ZNF292: variants seen among roughly 807,000 people sequenced by gnomAD.
ZNF292 encodes the protein zinc finger protein 292, also known as 16 zinc-finger domain protein.
Under a neutral mutation model 217.9 loss-of-function variants are expected in ZNF292, and 26 were observed. The ratio of observed to expected loss-of-function variants is 0.12; its 90% CI spans 0.09 to 0.17. The LOEUF is 0.17. ZNF292 is among the 10% of genes least tolerant of loss of function. The probability of loss-of-function intolerance (pLI) is 1.00; values close to 1 mark genes in which losing one functional copy is unlikely to be tolerated. For missense variants in ZNF292, 2,904 were observed against 3,175.2 expected, an observed-to-expected ratio of 0.91 and a Z score of 2.05; for synonymous variants, 1,257 against 1,124.1, an observed-to-expected ratio of 1.12 and a Z score of -2.37.
chr6:87,246,791 G>T (rs528497189), intron 7 of ZNF292, among the ~76,000 whole-genome samples: 1 of 152,162 alleles, frequency 6.6e-6, no homozygotes, highest in Non-Finnish European at 1.5e-5. Flanking sequence ...CAGAGGCAGC[G>T]ATTACAGTGA....
chr6:87,232,245 C>G (rs1050654427), intron 4 of ZNF292, among the ~76,000 whole-genome samples: 1 of 152,048 alleles, frequency 6.6e-6, no homozygotes, highest in Admixed American at 6.5e-5. Context: ...ATAGAAGAAT[C>G]TTTTCTATAG....
chr6:87,164,910 G>A (rs183532707), intron 1 of ZNF292, among the ~76,000 whole-genome samples: 19 of 151,090 alleles, frequency 1.3e-4, no homozygotes, highest in African/African-American at 3.9e-4. Flanking sequence ...CTACAGGCAT[G>A]TGCCACCATG....
At chr6:87,239,212 G>T (rs1299363107) in intron 5 of ZNF292, among the ~76,000 whole-genome samples, 12 of 152,262 alleles carry the variant, frequency 7.9e-5, no homozygotes, top group Admixed American at 3.3e-4. Flanking sequence ...CCCAGACGGG[G>T]TGGCGGCCGG....
intron 7 of ZNF292, among the ~76,000 whole-genome samples, chr6:87,247,101 G>C (rs1330955077): frequency 6.6e-6 from 1 of 151,758 alleles, no homozygotes; most frequent in Non-Finnish European, 1.5e-5. Flanking sequence ...GTTACAGTGA[G>C]CTGGAGGTTA....
At chr6:87,234,738 A>G (rs1773817341) in intron 5 of ZNF292, among the ~76,000 whole-genome samples, 1 of 152,144 alleles carries the variant, frequency 6.6e-6, no homozygotes, top group Non-Finnish European at 1.5e-5. Context: ...GGAAAAATTG[A>G]GATATAAGAC....
chr6:87,226,629 GTA>G (rs1263323974), intron 4 of ZNF292, among the ~76,000 whole-genome samples: 4 of 139,902 alleles, frequency 2.9e-5, no homozygotes, highest in African/African-American at 1.1e-4. Flanking sequence ...TTTAGTGTGT[GTA>G]TATATATCTA....
At chr6:87,220,223 C>T (rs1035779823) in intron 4 of ZNF292, among the ~76,000 whole-genome samples, 1 of 151,804 alleles carries the variant, frequency 6.6e-6, no homozygotes, top group South Asian at 2.1e-4. Flanking sequence ...TGCTTTAGTT[C>T]TAGCACCAAA....
intron 6 of ZNF292, among the ~76,000 whole-genome samples, chr6:87,244,637 C>T (rs1393610055): frequency 3.9e-5 from 6 of 152,092 alleles, no homozygotes; most frequent in Non-Finnish European, 8.8e-5. Context: ...GTACAGAGTT[C>T]AGACAGAAAA....
chr6:87,171,799 C>T (rs1489445060), intron 1 of ZNF292, among the ~76,000 whole-genome samples: 9 of 152,146 alleles, frequency 5.9e-5, no homozygotes, highest in Non-Finnish European at 1.3e-4. Context: ...TACTGGTTTG[C>T]ACCCTTTCAT....
rs141337927 is a variant in ZNF292, at chr6:87,220,164, T to G, written c.538+1433T>G. Among the ~76,000 whole-genome samples, 550 of 152,288 alleles carry G rather than the reference T, an allele frequency of 3.6e-3. 2 individuals carry two copies. Among genetic ancestry groups the G allele is most frequent in the African/African-American group, 0.013 (529 of 41,558 alleles). ...TAAAAGTTGAGAATCTTAGATTTTT[T>G]TTTTTGCCTTGCCATATTAACTTTA... On this transcript the variant is annotated intron_variant, in intron 4 of 7. Transcript: ENST00000369577.
chr6:87,248,568 C>A (rs1198983910), intron 7 of ZNF292, among the ~76,000 whole-genome samples: 1 of 152,146 alleles, frequency 6.6e-6, no homozygotes, highest in East Asian at 1.9e-4. Context: ...CACAGCAAGA[C>A]CCTGTCTCCA....
chr6:87,171,593 T>G (rs1026728691), intron 1 of ZNF292, among the ~76,000 whole-genome samples: 12 of 152,160 alleles, frequency 7.9e-5, no homozygotes, highest in African/African-American at 2.9e-4. Flanking sequence ...AAAATAACAT[T>G]AGTTTTAAAA....
chr6:87,248,101 A>G (rs1774699128), intron 7 of ZNF292, among the ~76,000 whole-genome samples: 1 of 152,238 alleles, frequency 6.6e-6, no homozygotes, highest in Non-Finnish European at 1.5e-5. Flanking sequence ...TTAAATGTAC[A>G]TAGGAAACAC....
At chr6:87,175,180 T>A (rs1330169770) in intron 1 of ZNF292, among the ~76,000 whole-genome samples, 1 of 152,198 alleles carries the variant, frequency 6.6e-6, no homozygotes, top group African/African-American at 2.4e-5. Flanking sequence ...TCCTCTGACT[T>A]CTTCTCTCCT....
At chr6:87,248,043 T>A (rs1387231813) in intron 7 of ZNF292, among the ~76,000 whole-genome samples, 1 of 152,234 alleles carries the variant, frequency 6.6e-6, no homozygotes, top group East Asian at 1.9e-4. Flanking sequence ...TTCATAAAGT[T>A]ACTGATTTTC....
intron 1 of ZNF292, among the ~76,000 whole-genome samples, chr6:87,199,087 A>G (rs188841619): frequency 3.1e-4 from 47 of 152,344 alleles, no homozygotes; most frequent in African/African-American, 1.1e-3. Flanking sequence ...GAAACTGACT[A>G]TCCAAAGTGA....
chr6:87,223,659 T>C (rs1416784494), intron 4 of ZNF292: 1 of 152,216 alleles, frequency 6.6e-6, no homozygotes, highest in Non-Finnish European at 1.5e-5. Flanking sequence ...ATATATTTAT[T>C]TTATTCTTTG....
intron 4 of ZNF292, among the ~76,000 whole-genome samples, chr6:87,224,421 A>G (rs1233531484): frequency 6.6e-6 from 1 of 151,334 alleles, no homozygotes; most frequent in African/African-American, 2.4e-5. Context: ...CCACCATTAC[A>G]GTAGTATACA....
rs1399754100 is a variant in ZNF292 at position 87,261,606 on chromosome 6, G to A, written c.7977G>A (p.Gln2659=). The change falls in exon 8 of 8, where the codon CAG becomes CAA. Residue 2659 remains glutamine (Q), a synonymous_variant. Transcript: ENST00000369577. The part of the protein sequence containing the change: ...ETFVQFANPS[Q]LQCSDNVKIV... ...TTGTACAGTTTGCCAATCCATCACAGCTTCAGTGCAGTGATAATGTAAAAA... is the reference window on the plus strand; with the variant it reads ...TTGTACAGTTTGCCAATCCATCACAACTTCAGTGCAGTGATAATGTAAAAA... 3 of 1,610,894 alleles carry A rather than the reference G, an allele frequency of 1.9e-6. No homozygotes were observed. Among genetic ancestry groups the A allele is most frequent in the Non-Finnish European group, 8.5e-7 (1 of 1,178,272 alleles).
Sources: allele counts gnomAD v4.1 joint callset (sites outside exome capture counted in the v4.1 genomes callset), GRCh38; gene constraint gnomAD v4.1.1; transcripts MANE v1.5; gene names NCBI Gene and HGNC (gene_info 2026-07-23, HGNC 2026-07-21).